The following XPO7 variants were observed in gnomAD, a reference collection of about 807,000 sequenced individuals.
XPO7 encodes the protein exportin-7.
A neutral mutation model predicts 144.3 loss-of-function variants in XPO7; 21 were observed. The observed-to-expected ratio is 0.15, with a 90% confidence interval of 0.10 to 0.21. The LOEUF is 0.21. Among genes scored for constraint, XPO7 ranks in the 10% least tolerant of loss-of-function variants. The pLI is 1.00. For synonymous variants in XPO7, 580 were observed against 499.6 expected (o/e 1.16, Z -2.15); for missense variants, 808 against 1,325.8 (o/e 0.61, Z 6.06).
chr8:21,944,559 G>A (rs755585280), intron 1 of XPO7, among the ~76,000 whole-genome samples: 2 of 151,928 alleles, frequency 1.3e-5, no homozygotes, highest in Non-Finnish European at 2.9e-5. Flanking sequence ...AGAGTGAGAC[G>A]CCATCTCAGA....
chr8:21,954,389 A>T (rs1811468239), intron 1 of XPO7, among the ~76,000 whole-genome samples: 1 of 152,248 alleles, frequency 6.6e-6, no homozygotes, highest in South Asian at 2.1e-4. Context: ...TAATCCCAGC[A>T]CATTGGGAAG....
At chr8:21,974,621 C>CT in intron 5 of XPO7, 49 bp from the exon 6 acceptor site, 1 of 1,378,146 alleles carries the variant, frequency 7.3e-7, no homozygotes, top group South Asian at 1.4e-5. Context: ...ATGAAAAATT[C>CT]TTTTTTTGCA....
chr8:21,982,780 A>T lies in XPO7; in HGVS notation c.1245A>T (p.Thr415=), dbSNP rs372386422. The T allele has an allele frequency of 5.8e-5, 93 of 1,612,860 alleles. No homozygotes were observed. The African/African-American group carries it at 1.1e-3, about 20-fold the overall frequency. Reference sequence around the variant, plus strand: ...CTGAGGTCACCAAAGCCTACATCACATCCCGGTTGGAATCTGTGCACATCA... The same window carrying T: ...CTGAGGTCACCAAAGCCTACATCACTTCCCGGTTGGAATCTGTGCACATCA... The part of the protein sequence containing the change: ...YTPEVTKAYI[T]SRLESVHIIL... Residue 415 remains threonine (T), a synonymous_variant, in exon 11 of 28, where the codon ACA becomes ACT. Transcript: ENST00000252512.
chr8:21,948,457 A>G (rs1811264032), intron 1 of XPO7, among the ~76,000 whole-genome samples: 1 of 152,168 alleles, frequency 6.6e-6, no homozygotes, highest in Non-Finnish European at 1.5e-5. Context: ...TGCCATCTAG[A>G]TTTGTGTAAG....
chr8:21,997,782 ATG>A (rs1813000550), intron 21 of XPO7, among the ~76,000 whole-genome samples: 1 of 152,160 alleles, frequency 6.6e-6, no homozygotes, highest in Non-Finnish European at 1.5e-5. Context: ...AGCAGAGAGA[ATG>A]TAAGGGAAAG....
intron 11 of XPO7, among the ~76,000 whole-genome samples, chr8:21,983,088 T>C (rs1812457794): frequency 6.6e-6 from 1 of 152,252 alleles, no homozygotes; most frequent in Non-Finnish European, 1.5e-5. Context: ...TGTTTGTCCT[T>C]GCCGCTGTTT....
At chr8:21,938,131 G>T (rs528604062) in intron 1 of XPO7, among the ~76,000 whole-genome samples, 251 of 152,238 alleles carry the variant, frequency 1.6e-3, no homozygotes, top group Middle Eastern at 6.8e-3. Flanking sequence ...CCTCAGGGTT[G>T]TCTTCTTGTG....
intron 1 of XPO7, among the ~76,000 whole-genome samples, chr8:21,929,928 G>C (rs1049692720): frequency 1.3e-5 from 2 of 152,144 alleles, no homozygotes; most frequent in Admixed American, 6.5e-5. Flanking sequence ...TCTTAACATA[G>C]AGATGTTTGT....
intron 8 of XPO7, 123 bp from the exon 9 acceptor site, chr8:21,979,961 C>T (rs1041030196): frequency 1.2e-5 from 15 of 1,209,276 alleles, no homozygotes; most frequent in Non-Finnish European, 1.6e-5. Context: ...TTTCTTTTCT[C>T]TTTTTAAAAT....
intron 22 of XPO7, 87 bp from the exon 23 acceptor site, chr8:21,999,004 G>A (rs1430914650): frequency 6.5e-7 from 1 of 1,531,678 alleles, no homozygotes; most frequent in East Asian, 2.3e-5. Context: ...GGGCCTACTG[G>A]AATTTGTATG....
At chr8:22,002,063 C>T in intron 24 of XPO7, 49 bp from the exon 25 acceptor site, 3 of 1,552,810 alleles carry the variant, frequency 1.9e-6, no homozygotes, top group Non-Finnish European at 2.6e-6. Context: ...CATATTTGTC[C>T]AGGCCACCAT....
intron 8 of XPO7, among the ~76,000 whole-genome samples, chr8:21,978,116 C>G (rs1812286196): frequency 6.6e-6 from 1 of 152,152 alleles, no homozygotes; most frequent in South Asian, 2.1e-4. Flanking sequence ...TGCTGTTCCT[C>G]AAACGGCCAC....
intron 7 of XPO7, 101 bp from the exon 8 acceptor site, chr8:21,977,669 G>GT: frequency 9.5e-7 from 1 of 1,052,926 alleles, no homozygotes; most frequent in South Asian, 1.5e-5. Context: ...TGTAAGATAA[G>GT]TAGGCAGAAG....
chr8:21,990,691 C>A, intron 17 of XPO7, 120 bp from the exon 18 acceptor site: 1 of 1,044,436 alleles, frequency 9.6e-7, no homozygotes, highest in Non-Finnish European at 1.4e-6. Context: ...ACCTTCAGAT[C>A]CTCAAGGAAT....
chr8:21,927,503 T>C (rs1047893421), intron 1 of XPO7, among the ~76,000 whole-genome samples: 1 of 151,194 alleles, frequency 6.6e-6, no homozygotes, highest in African/African-American at 2.4e-5. Context: ...TTAACATTGA[T>C]AGCATTGATA....
intron 1 of XPO7, among the ~76,000 whole-genome samples, chr8:21,949,716 G>GT (rs397892417): frequency 1.6e-5 from 1 of 63,364 alleles, no homozygotes; most frequent in Non-Finnish European, 4.4e-5. Flanking sequence ...TGGCCAGGCT[G>GT]TTTGTTGTTG....
chr8:21,972,066 CT>C (rs1181488097), intron 5 of XPO7, 125 bp downstream of exon 5: 2 of 808,282 alleles, frequency 2.5e-6, no homozygotes, highest in Non-Finnish European at 4.1e-6. Context: ...GATTAATGCC[CT>C]TTTGAAACAA....
At chr8:21,932,392 CT>C (rs1453169724) in intron 1 of XPO7, among the ~76,000 whole-genome samples, 1 of 152,068 alleles carries the variant, frequency 6.6e-6, no homozygotes, top group East Asian at 1.9e-4. Context: ...ACTTAATATT[CT>C]TTTTTACTTT....
At position 21,991,331 on chromosome 8, in the gene XPO7, G is replaced by A. The variant is rs1434594067; in HGVS notation, c.2041+412G>A. Among the ~76,000 whole-genome samples, 4 of 152,292 alleles carry A rather than the reference G, an allele frequency of 2.6e-5. No individual in the cohort carries two copies. The South Asian group carries it at 6.2e-4, about 24-fold the overall frequency. On this transcript the variant is annotated intron_variant, in intron 18 of 27. Coordinates refer to ENST00000252512, the MANE Select transcript of XPO7 (RefSeq NM_015024.5). Reference sequence around the variant, plus strand: ...GAGCCAGAAGGGCTTTATCACTTTTGTAGCAGTAGTGGTGATATTAGCAGT... The same window carrying A: ...GAGCCAGAAGGGCTTTATCACTTTTATAGCAGTAGTGGTGATATTAGCAGT...
Sources: allele counts gnomAD v4.1 joint callset (sites outside exome capture counted in the v4.1 genomes callset), GRCh38; gene constraint gnomAD v4.1.1; transcripts MANE v1.5; gene names NCBI Gene and HGNC (gene_info 2026-07-23, HGNC 2026-07-21).